The following CSMD1 variants were observed in gnomAD, a reference collection of about 807,000 sequenced individuals.
CSMD1 encodes CUB and sushi domain-containing protein 1.
In CSMD1, 213 loss-of-function variants were observed where a neutral mutation model predicts 417.5. The ratio of observed to expected loss-of-function variants is 0.51; its 90% CI spans 0.46 to 0.57. The LOEUF is 0.57. CSMD1 is among the 20% of genes least tolerant of loss of function. The pLI, the probability that CSMD1 is intolerant of heterozygous loss-of-function variation, is 0.00. For missense variants in CSMD1, 6,923 were observed against 4,529.7 expected, an observed-to-expected ratio of 1.53 and a Z score of -15.17; for synonymous variants, 2,862 against 1,736.8, an observed-to-expected ratio of 1.65 and a Z score of -16.11.
chr8:3,376,354 T>C (rs116704925), intron 18 of CSMD1, among the ~76,000 whole-genome samples: 3,767 of 152,158 alleles, frequency 0.025, 158 homozygotes, highest in African/African-American at 0.086. Flanking sequence ...CATATTTGAA[T>C]TGGGAAGGAA....
intron 1 of CSMD1, among the ~76,000 whole-genome samples, chr8:4,825,506 T>C (rs770891527): frequency 4.3e-4 from 66 of 152,182 alleles, no homozygotes; most frequent in Non-Finnish European, 8.2e-4. Flanking sequence ...CGATTTTTCC[T>C]TCCCCTGGCC....
chr8:4,415,969 T>C (rs1402401055), intron 3 of CSMD1, among the ~76,000 whole-genome samples: 3 of 152,156 alleles, frequency 2.0e-5, no homozygotes, highest in Admixed American at 6.6e-5. Flanking sequence ...CTCGGGAAAC[T>C]AAAGTACTGC....
At chr8:3,679,342 C>G (rs1166266990) in intron 7 of CSMD1, among the ~76,000 whole-genome samples, 2 of 152,044 alleles carry the variant, frequency 1.3e-5, no homozygotes. Context: ...GGAGGAAGAT[C>G]TACCAAGCAA....
At chr8:3,861,535 C>A (rs924344882) in intron 5 of CSMD1, among the ~76,000 whole-genome samples, 2 of 152,114 alleles carry the variant, frequency 1.3e-5, no homozygotes, top group African/African-American at 4.8e-5. Context: ...TGGGAGAATT[C>A]TGGGATTTAA....
intron 5 of CSMD1, among the ~76,000 whole-genome samples, chr8:3,891,517 T>TCA (rs1004610107): frequency 6.6e-6 from 1 of 151,826 alleles, no homozygotes; most frequent in East Asian, 1.9e-4. Context: ...CCATGCCTAA[T>TCA]CACACACACA....
chr8:4,182,609 T>C (rs192984910), intron 3 of CSMD1, among the ~76,000 whole-genome samples: 5 of 152,298 alleles, frequency 3.3e-5, no homozygotes, highest in African/African-American at 4.8e-5. Flanking sequence ...GGGAATTTTA[T>C]GGACAACAGT....
At chr8:3,214,982 T>A (rs1217761604) in intron 29 of CSMD1, among the ~76,000 whole-genome samples, 2 of 152,198 alleles carry the variant, frequency 1.3e-5, no homozygotes, top group Non-Finnish European at 2.9e-5. Flanking sequence ...CAGTACTACG[T>A]TTTTATATAT....
chr8:3,894,631 G>A (rs956810080), intron 5 of CSMD1, among the ~76,000 whole-genome samples: 10 of 152,078 alleles, frequency 6.6e-5, no homozygotes, highest in Non-Finnish European at 1.2e-4. Context: ...CAGTGCTAAG[G>A]CTAAACAAGA....
chr8:3,910,171 C>CGG (rs941445805), intron 5 of CSMD1, among the ~76,000 whole-genome samples: 7 of 152,050 alleles, frequency 4.6e-5, no homozygotes, highest in African/African-American at 1.7e-4. Context: ...CATGTTACAT[C>CGG]GGGGGACAAG....
In CSMD1 at chr8:4,527,570, T is replaced by C. The variant is rs145715557; in HGVS notation, c.303-107505A>G. On this transcript the variant is annotated intron_variant, in intron 2 of 69. Transcript: ENST00000635120. ...GTTTGTAGAGATAAGTGTTCTTTTGTACAAAGATGCATCTTGTGCTTAAGA... is the reference window on the plus strand; with the variant it reads ...GTTTGTAGAGATAAGTGTTCTTTTGCACAAAGATGCATCTTGTGCTTAAGA... 1.7e-3 allele frequency among the ~76,000 whole-genome samples: 260 copies of C among 152,268 alleles called. 1 individual carries two copies. The highest frequency in any genetic ancestry group is 6.0e-3 in the African/African-American group (250 of 41,570).
At chr8:3,999,110 C>A (rs79665737) in intron 4 of CSMD1, among the ~76,000 whole-genome samples, 4,930 of 150,988 alleles carry the variant, frequency 0.033, 122 homozygotes, top group East Asian at 0.11. Context: ...TGTTTTAAAG[C>A]ATGTTTTTTA....
Position 4,955,760 on chromosome 8 carries a change from T to A in CSMD1, c.85+38572A>T, listed in dbSNP as rs555871174. Among the ~76,000 whole-genome samples, 6 of 89,556 alleles carry A rather than the reference T, an allele frequency of 6.7e-5. No homozygotes were observed. The Admixed American group carries it at 8.6e-4, about 13-fold the overall frequency. The allele number at this position is 89,556 out of a possible 152,430, so 58.8% of individuals were successfully genotyped here. On this transcript the variant is annotated intron_variant, in intron 1 of 69. Coordinates refer to ENST00000635120, the MANE Select transcript of CSMD1 (RefSeq NM_033225.6). ...CGTGAGCCACCACGCCCGGGCCCTC[T>A]CTTCCAAACTGCATGTTAGGTGGTG...
chr8:4,354,611 C>CTAT (rs1480158196), intron 3 of CSMD1, among the ~76,000 whole-genome samples: 2 of 151,976 alleles, frequency 1.3e-5, no homozygotes, highest in African/African-American at 4.8e-5. Context: ...TCTCCTTGAA[C>CTAT]GTATAAGAAC....
At chr8:4,033,006 G>A (rs1266709774) in intron 3 of CSMD1, among the ~76,000 whole-genome samples, 1 of 151,956 alleles carries the variant, frequency 6.6e-6, no homozygotes, top group Non-Finnish European at 1.5e-5. Flanking sequence ...CCTGCTACCT[G>A]GAGGCTTTGT....
In CSMD1 at chr8:3,383,029, C is replaced by T. The variant is rs1450861093; in HGVS notation, c.2782+4465G>A. 1.3e-5 allele frequency among the ~76,000 whole-genome samples: 2 copies of T among 152,148 alleles called. 1 individual carries two copies. On this transcript the variant is annotated intron_variant, in intron 18 of 69. Transcript: ENST00000635120. ...GAGAGGAGAAACAGGATCTCAAATA[C>T]CAATGATGCCAGCGCATGTAGATAG...
rs1277954620 is a variant in CSMD1, at chr8:3,205,499, C to T, written c.4984+5G>A. Reference sequence around the variant, plus strand: ...AATGAATTAAAAATACAAGGACATCCTTACCGAATTCCTTTGGTACCGTGA... The same window carrying T: ...AATGAATTAAAAATACAAGGACATCTTTACCGAATTCCTTTGGTACCGTGA... On this transcript the variant is annotated splice_donor_5th_base_variant and intron_variant, in intron 31 of 69. Coordinates refer to ENST00000635120, the MANE Select transcript of CSMD1 (RefSeq NM_033225.6). 5 of 1,372,848 alleles carry T rather than the reference C, an allele frequency of 3.6e-6. No individual in the cohort carries two copies. The highest frequency in any genetic ancestry group is 1.4e-5 in the African/African-American group (1 of 69,746). 85.0% of individuals were successfully genotyped at this position (1,372,848 alleles called of 1,614,324 possible).
chr8:3,821,059 G>A (rs187878517), intron 5 of CSMD1, among the ~76,000 whole-genome samples: 2 of 152,088 alleles, frequency 1.3e-5, no homozygotes, highest in African/African-American at 2.4e-5. Flanking sequence ...TGGGATTACA[G>A]GTGTGTGCCA....
chr8:4,215,314 T>C (rs759387903), intron 3 of CSMD1, among the ~76,000 whole-genome samples: 10 of 152,166 alleles, frequency 6.6e-5, no homozygotes, highest in East Asian at 5.8e-4. Context: ...CACCACCCAA[T>C]AGTTACATTT....
In CSMD1 at chr8:3,308,414, G is replaced by A. The variant is rs755108433; in HGVS notation, c.3721C>T (p.Leu1241=). The part of the protein sequence containing the change: ...DEGHFTDTVV[L]YSCNPGYAMH... ...GCGTACCCCGGGTTGCAACTGTACAGAACTACAGTGTCGGTAAAGTGGCCT... is the reference window on the plus strand; with the variant it reads ...GCGTACCCCGGGTTGCAACTGTACAAAACTACAGTGTCGGTAAAGTGGCCT... The change falls in exon 24 of 70, where the codon CTG becomes TTG. Residue 1241 remains leucine, a synonymous_variant. Coordinates refer to ENST00000635120, the MANE Select transcript of CSMD1 (RefSeq NM_033225.6). The A allele has an allele frequency of 1.9e-6, 3 of 1,613,542 alleles. No individual in the cohort carries two copies. The highest frequency in any genetic ancestry group is 2.2e-5 in the East Asian group (1 of 44,842).
Sources: gnomAD v4.1 joint callset for allele counts (sites outside exome capture counted in the v4.1 genomes callset) on GRCh38, gnomAD v4.1.1 for gene constraint, MANE v1.5 for transcripts, NCBI Gene and HGNC (gene_info 2026-07-23, HGNC 2026-07-21) for gene names.